The following USP6 variants were observed in gnomAD, a reference collection of about 807,000 sequenced individuals.
USP6 encodes the protein ubiquitin specific peptidase 6.
Under a neutral mutation model 175.7 loss-of-function variants are expected in USP6, and 128 were observed. That is an observed-to-expected ratio of 0.73 (90% CI 0.63 to 0.84). The LOEUF (loss-of-function observed/expected upper bound fraction) is 0.84, where lower values mean the gene tolerates loss of function less well. Among genes scored for constraint, USP6 ranks in the 40% least tolerant of loss-of-function variants. USP6 has a pLI of 0.00. For missense variants in USP6, 1,498 were observed against 1,760.3 expected (o/e 0.85, Z 2.67); for synonymous variants, 562 against 630.6 (o/e 0.89, Z 1.63).
intron 31 of USP6, 132 bp downstream of exon 31, chr17:5,155,738 ATTAT>A (rs2073869887): frequency 1.3e-6 from 1 of 746,448 alleles, no homozygotes; most frequent in African/African-American, 1.8e-5. Flanking sequence ...TATTTAAATA[ATTAT>A]TTAAAGTATT....
At position 5,133,982 on chromosome 17, in the gene USP6, T is replaced by A. The variant is rs747703023; in HGVS notation, c.480T>A (p.Asp160Glu). 6 of 1,613,820 alleles carry A rather than the reference T, an allele frequency of 3.7e-6. No individual in the cohort carries two copies. Among genetic ancestry groups the A allele is most frequent in the African/African-American group, 1.3e-5 (1 of 74,846 alleles). Reference protein sequence around the residue: ...TTLRNHVFFRDRYGAKQRELF... With the variant: ...TTLRNHVFFRERYGAKQRELF... Reference sequence around the variant, plus strand: ...TCCGGAACCATGTCTTCTTTAGGGATCGATATGGAGCCAAGTAAGCCTACG... The same window carrying A: ...TCCGGAACCATGTCTTCTTTAGGGAACGATATGGAGCCAAGTAAGCCTACG... Residue 160 changes from aspartate to glutamate, a missense_variant, in exon 15 of 38, where the codon GAT (aspartate) becomes GAA (glutamate). Asp to Glu is a conservative substitution (Grantham distance 45). Around this residue, in one of 2 missense-constraint regions of USP6, gnomAD observed 281 missense variants for 259.6 expected, o/e 1.08. Coordinates refer to ENST00000574788, the MANE Select transcript of USP6 (RefSeq NM_001304284.2).
chr17:5,172,430 C>T (rs2074246095), intron 37 of USP6, among the ~76,000 whole-genome samples: 1 of 152,232 alleles, frequency 6.6e-6, no homozygotes, highest in African/African-American at 2.4e-5. Context: ...GCTCGGGAGG[C>T]TGAGGCAGGA....
rs958546622 is a variant in USP6, at chr17:5,116,288, C to A, written c.-2380C>A. 6.5e-6 allele frequency: 1 copy of A among 152,966 alleles called. No individual in the cohort carries two copies. Among genetic ancestry groups the A allele is most frequent in the Non-Finnish European group, 1.4e-5 (1 of 68,978 alleles). The allele number at this position is 152,966 out of a possible 1,614,324, so 9.5% of individuals were successfully genotyped here. ...CTCCCGGCCCCGCTCCGGGCGGCCCCCCTCACCACTCCCGGCCCCGCTCCC... is the reference window on the plus strand; with the variant it reads ...CTCCCGGCCCCGCTCCGGGCGGCCCACCTCACCACTCCCGGCCCCGCTCCC... On this transcript the variant is annotated 5_prime_UTR_variant, in exon 1 of 38. Coordinates refer to ENST00000574788, the MANE Select transcript of USP6 (RefSeq NM_001304284.2).
In USP6 at chr17:5,132,402, G is replaced by A. The variant is rs369687160; in HGVS notation, c.162G>A (p.Thr54=). Residue 54 remains threonine, a synonymous_variant, in exon 12 of 38, where the codon ACG becomes ACA. Transcript: ENST00000574788. This position sits in a 1 kb window ranked among gnomAD's most constrained non-coding sequence, Gnocchi z 4.7. The part of the protein sequence containing the change: ...SIDRFGILHE[T]ELPPVTAREA... Reference sequence around the variant, plus strand: ...TGCCTGGGTTGCCTTACAGTGAGACGGAGCTGCCTCCTGTGACTGCACGGG... The same window carrying A: ...TGCCTGGGTTGCCTTACAGTGAGACAGAGCTGCCTCCTGTGACTGCACGGG... 14 of 1,612,024 alleles carry A rather than the reference G, an allele frequency of 8.7e-6. No individual in the cohort carries two copies. The highest frequency in any genetic ancestry group is 3.3e-5 in the South Asian group (3 of 90,994).
At chr17:5,134,811 A>C in intron 15 of USP6, 1 of 307,308 alleles carries the variant, frequency 3.3e-6, no homozygotes, top group Non-Finnish European at 6.3e-6. Flanking sequence ...ACTGAGCAGC[A>C]GTCTGGGTGG....
chr17:5,129,633 C>T (rs2072998547), intron 8 of USP6: 1 of 152,662 alleles, frequency 6.6e-6, no homozygotes, highest in South Asian at 2.1e-4. Flanking sequence ...GACGGTCCAT[C>T]TAGATGTCCT....
At chr17:5,125,657 A>AACAC (rs771086467) in intron 5 of USP6, among the ~76,000 whole-genome samples, 164 bp from the exon 6 acceptor site, 5,057 of 52,792 alleles carry the variant, frequency 0.096, 120 homozygotes, top group Non-Finnish European at 0.12. Flanking sequence ...GCAACACACA[A>AACAC]ACACGCACAC....
Position 5,116,099 on chromosome 17 carries a change from G to T in USP6, c.-2569G>T, listed in dbSNP as rs935391734. Among the ~76,000 whole-genome samples, 1 of 152,234 alleles carries T rather than the reference G, an allele frequency of 6.6e-6. No individual in the cohort carries two copies. The highest frequency in any genetic ancestry group is 1.5e-5 in the Non-Finnish European group (1 of 68,024). ...AGCTCCAAATGCGTGGCCGCTGTGG[G>T]AGCTCGTCTCCAGGCGCCCATCAGT... On this transcript the variant is annotated 5_prime_UTR_variant, in exon 1 of 38. Coordinates refer to ENST00000574788, the MANE Select transcript of USP6 (RefSeq NM_001304284.2).
In USP6 at chr17:5,167,977, G is replaced by A. The variant is rs745585847; in HGVS notation, c.3082G>A (p.Ala1028Thr). The change falls in exon 34 of 38, where the codon GCC becomes ACC. Residue 1028 changes from alanine to threonine, a missense_variant. By Grantham distance (58) the Ala-to-Thr change is moderately conservative. Coordinates refer to ENST00000574788, the MANE Select transcript of USP6 (RefSeq NM_001304284.2). ...TGTGGAGCAGAGTCGGCGAGCGCAA[G>A]CCGAGCCCATCAACCTGGACAGCTG... Reference protein sequence around the residue: ...ESVEQSRRAQAEPINLDSCLR... With the variant: ...ESVEQSRRAQTEPINLDSCLR... 11 of 1,611,876 alleles carry A rather than the reference G, an allele frequency of 6.8e-6. No individual in the cohort carries two copies. In the African/African-American group the frequency reaches 1.1e-4, roughly 16 times the overall value.
At chr17:5,145,753 C>T (rs933810940) in intron 27 of USP6, among the ~76,000 whole-genome samples, 174 bp downstream of exon 27, 1 of 152,086 alleles carries the variant, frequency 6.6e-6, no homozygotes, top group Non-Finnish European at 1.5e-5. Context: ...TAGATTGGGG[C>T]ATGTTTTTTT....
In USP6 at chr17:5,130,415, G is replaced by A. The variant is rs1293570687; in HGVS notation, c.48G>A (p.Lys16=). ...NADSLQAQER[K]DILMKYDKGH... is the part of the protein sequence containing the mutation. ...ATAGTTTGCAGGCACAGGAGCGGAAGGACATACTTATGAAGTATGACAAGG... is the reference window on the plus strand; with the variant it reads ...ATAGTTTGCAGGCACAGGAGCGGAAAGACATACTTATGAAGTATGACAAGG... The change falls in exon 10 of 38, where the codon AAG becomes AAA. Residue 16 remains lysine (K), a synonymous_variant. Transcript: ENST00000574788. 2.5e-6 allele frequency: 4 copies of A among 1,614,160 alleles called. No homozygotes were observed. Among genetic ancestry groups the A allele is most frequent in the Non-Finnish European group, 2.5e-6 (3 of 1,180,026 alleles).
chr17:5,133,649 G>GCACCCCCACCCCCCCC, intron 14 of USP6, 99 bp downstream of exon 14: 1 of 879,784 alleles, frequency 1.1e-6, no homozygotes, highest in Non-Finnish European at 1.8e-6. Flanking sequence ...TGGGGGGGTG[G>GCACCCCCACCCCCCCC]GAGGGGATGG....
At position 5,120,645 on chromosome 17, in the gene USP6, G is replaced by A; in HGVS notation, c.-1818G>A. On this transcript the variant is annotated 5_prime_UTR_variant, in exon 3 of 38. Transcript: ENST00000574788. ...TGCCCAGGAAATGAAGGCCCTTTGA[G>A]GTCAGGTGGATGAGGATGTCAGTGT... 2.6e-6 allele frequency: 1 copy of A among 385,094 alleles called. No individual in the cohort carries two copies. The highest frequency in any genetic ancestry group is 2.0e-5 in the South Asian group (1 of 50,450). The allele number at this position is 385,094 out of a possible 1,614,324, so 23.9% of individuals were successfully genotyped here. A position where few individuals can be genotyped will look rare whatever the true frequency, so the allele number is the denominator to read the frequency against.
intron 25 of USP6, among the ~76,000 whole-genome samples, chr17:5,143,859 G>T (rs904091364): frequency 1.3e-5 from 2 of 152,076 alleles, no homozygotes; most frequent in Non-Finnish European, 2.9e-5. Flanking sequence ...CCGGGATGTG[G>T]TGTTTGCAAT....
intron 27 of USP6, among the ~76,000 whole-genome samples, 161 bp downstream of exon 27, chr17:5,145,740 A>G (rs1393869705): frequency 6.6e-6 from 1 of 152,186 alleles, no homozygotes; most frequent in Non-Finnish European, 1.5e-5. Context: ...GGTTTGAAAG[A>G]TGTAGATTGG....
intron 30 of USP6, among the ~76,000 whole-genome samples, chr17:5,154,050 C>G (rs1176769646): frequency 6.6e-6 from 1 of 152,138 alleles, no homozygotes; most frequent in Non-Finnish European, 1.5e-5. Context: ...GGAGAAATTC[C>G]TTAATGAGAG....
rs910132397 is a variant in USP6 at position 5,142,377 on chromosome 17, T to A, written c.1713-20T>A. 12 of 1,599,354 alleles carry A rather than the reference T, an allele frequency of 7.5e-6. No individual in the cohort carries two copies. The highest frequency in any genetic ancestry group is 1.3e-5 in the African/African-American group (1 of 74,628). On this transcript the variant is annotated intron_variant, in intron 24 of 37. Coordinates refer to ENST00000574788, the MANE Select transcript of USP6 (RefSeq NM_001304284.2). ...ATTTATGAGAATCTTTGGCAACAAA[T>A]TTTCCTCTCAAACTTCTAGGACAAA... is the stretch of plus-strand genomic sequence containing the variant.
chr17:5,152,645 A>G (rs1435167524), intron 30 of USP6, among the ~76,000 whole-genome samples: 1 of 152,234 alleles, frequency 6.6e-6, no homozygotes, highest in East Asian at 1.9e-4. Context: ...ATGGATTTGT[A>G]GTTATATCCA....
chr17:5,157,805 A>G (rs1165921185), intron 31 of USP6, among the ~76,000 whole-genome samples: 1 of 151,886 alleles, frequency 6.6e-6, no homozygotes, highest in Non-Finnish European at 1.5e-5. Flanking sequence ...TAATTTTTGT[A>G]TTTTTAGTAG....
Sources: allele counts gnomAD v4.1 joint callset (sites outside exome capture counted in the v4.1 genomes callset), GRCh38; gene constraint gnomAD v4.1.1; regional missense constraint gnomAD v4.1.1; non-coding constraint Gnocchi (gnomAD v3.1); transcripts MANE v1.5; gene names NCBI Gene and HGNC (gene_info 2026-07-23, HGNC 2026-07-21).